PCDH15: variants seen among roughly 807,000 people sequenced by gnomAD.
PCDH15 encodes protocadherin related 15, also known as protocadherin-15.
In PCDH15, 129 loss-of-function variants were observed where a neutral mutation model predicts 178.5. That is an observed-to-expected ratio of 0.72 (90% CI 0.63 to 0.84). The LOEUF is 0.84. Ranked by LOEUF, PCDH15 falls within the 40% of genes least tolerant of loss-of-function variation. The pLI is 0.00. For missense variants in PCDH15, 2,230 were observed against 2,099.9 expected, an observed-to-expected ratio of 1.06 and a Z score of -1.21; for synonymous variants, 800 against 732.0, an observed-to-expected ratio of 1.09 and a Z score of -1.50.
intron 2 of PCDH15, among the ~76,000 whole-genome samples, chr10:55,504,448 T>G (rs1433607968): frequency 1.3e-5 from 2 of 151,458 alleles, no homozygotes; most frequent in Admixed American, 6.6e-5. Flanking sequence ...AATATGTCAT[T>G]TAAAATTTGG....
At chr10:54,678,815 C>T (rs1027804233) in intron 1 of PCDH15, among the ~76,000 whole-genome samples, 3 of 152,110 alleles carry the variant, frequency 2.0e-5, no homozygotes, top group Non-Finnish European at 4.4e-5. Context: ...AATGATACAA[C>T]ATTAAATAGA....
intron 1 of PCDH15, among the ~76,000 whole-genome samples, chr10:55,176,961 T>C (rs1294035875): frequency 6.6e-6 from 1 of 152,146 alleles, no homozygotes; most frequent in African/African-American, 2.4e-5. Flanking sequence ...AGTTTTATAA[T>C]ATGTAGATGA....
intron 26 of PCDH15, among the ~76,000 whole-genome samples, chr10:53,882,285 C>T (rs2080778816): frequency 6.6e-6 from 1 of 151,982 alleles, no homozygotes; most frequent in African/African-American, 2.4e-5. Flanking sequence ...TCCACATCAC[C>T]TTTTTTGTTT....
intron 7 of PCDH15, among the ~76,000 whole-genome samples, chr10:54,321,506 TA>T (rs2061604683): frequency 6.6e-6 from 1 of 151,824 alleles, no homozygotes; most frequent in African/African-American, 2.4e-5. Context: ...TACATGCATA[TA>T]AATGCCAGAG....
chr10:53,914,177 T>C (rs1387735237), intron 25 of PCDH15, among the ~76,000 whole-genome samples: 1 of 152,196 alleles, frequency 6.6e-6, no homozygotes, highest in Non-Finnish European at 1.5e-5. Flanking sequence ...GAGTTTAAAC[T>C]AGTTTAACCA....
intron 8 of PCDH15, among the ~76,000 whole-genome samples, chr10:54,291,180 G>T (rs1239949695): frequency 6.6e-6 from 1 of 152,116 alleles, no homozygotes; most frequent in African/African-American, 2.4e-5. Context: ...ACTCAAAAAT[G>T]CACAACTACA....
intron 3 of PCDH15, among the ~76,000 whole-genome samples, chr10:54,476,453 C>T (rs1004875995): frequency 6.6e-6 from 1 of 151,894 alleles, no homozygotes; most frequent in African/African-American, 2.4e-5. Flanking sequence ...AACTTTTTTT[C>T]CCCAGTGAAA....
At chr10:54,352,843 T>G (rs1168643188) in intron 5 of PCDH15, among the ~76,000 whole-genome samples, 1 of 152,158 alleles carries the variant, frequency 6.6e-6, no homozygotes, top group African/African-American at 2.4e-5. Flanking sequence ...TGAAGGAATC[T>G]TCCACGTTTA....
At chr10:55,336,155 C>T (rs1015944769) in intron 2 of PCDH15, among the ~76,000 whole-genome samples, 15 of 71,306 alleles carry the variant, frequency 2.1e-4, no homozygotes, top group Non-Finnish European at 3.3e-4. Flanking sequence ...AAAAAAAAAA[C>T]AGTAGAAGTT....
chr10:55,568,564 A>G (rs905032408), intron 2 of PCDH15, among the ~76,000 whole-genome samples: 11 of 152,002 alleles, frequency 7.2e-5, no homozygotes, highest in Non-Finnish European at 1.5e-4. Flanking sequence ...ATAAATAAAT[A>G]AAAAAACAAA....
At chr10:55,356,588 C>A (rs1845086844) in intron 2 of PCDH15, among the ~76,000 whole-genome samples, 1 of 151,830 alleles carries the variant, frequency 6.6e-6, no homozygotes, top group African/African-American at 2.4e-5. Context: ...TTGATTCGTT[C>A]ATTTATTCAA....
chr10:54,739,143 T>C (rs905527999), intron 1 of PCDH15, among the ~76,000 whole-genome samples: 2 of 151,988 alleles, frequency 1.3e-5, no homozygotes, highest in Admixed American at 6.6e-5. Context: ...GATATGATCT[T>C]ATATTTAGAA....
chr10:53,920,737 C>T (rs2083927833), intron 25 of PCDH15, among the ~76,000 whole-genome samples: 1 of 152,098 alleles, frequency 6.6e-6, no homozygotes, highest in Admixed American at 6.6e-5. Context: ...TCTTTTCCTC[C>T]ATCAACAAGC....
At chr10:54,585,751 A>G (rs2026410) in intron 2 of PCDH15, among the ~76,000 whole-genome samples, 121,285 of 152,150 alleles carry the variant, frequency 0.8, 48,544 homozygotes, top group East Asian at 0.84. Context: ...CAACTTCAGC[A>G]GGTTCCCAGA....
chr10:54,921,759 TA>T (rs930313437), intron 2 of PCDH15, among the ~76,000 whole-genome samples: 2 of 152,130 alleles, frequency 1.3e-5, no homozygotes, highest in African/African-American at 2.4e-5. Flanking sequence ...AGAACTGGCA[TA>T]AAAAAACTAC....
intron 3 of PCDH15, among the ~76,000 whole-genome samples, chr10:54,394,302 C>T (rs1177273129): frequency 2.7e-5 from 4 of 150,004 alleles, no homozygotes; most frequent in African/African-American, 7.6e-5. Context: ...GAACCTGCCC[C>T]GATATTCATG....
intron 2 of PCDH15, among the ~76,000 whole-genome samples, chr10:54,973,892 T>A (rs899757906): frequency 6.6e-6 from 1 of 151,990 alleles, no homozygotes; most frequent in Non-Finnish European, 1.5e-5. Context: ...AACTCATATC[T>A]CTAAAAATCT....
chr10:54,038,778 G>A (rs967586330), intron 18 of PCDH15, among the ~76,000 whole-genome samples: 2 of 151,850 alleles, frequency 1.3e-5, no homozygotes, highest in African/African-American at 4.8e-5. Context: ...CCTCTATCTT[G>A]GATTGGTTTT....
intron 3 of PCDH15, among the ~76,000 whole-genome samples, chr10:54,863,471 G>A (rs1327964346): frequency 6.6e-6 from 1 of 152,186 alleles, no homozygotes; most frequent in East Asian, 1.9e-4. Flanking sequence ...GAACCCAGGA[G>A]GCGGAGCTTG....
Sources: gnomAD v4.1 joint callset for allele counts (sites outside exome capture counted in the v4.1 genomes callset) on GRCh38, gnomAD v4.1.1 for gene constraint, MANE v1.5 for transcripts, NCBI Gene and HGNC (gene_info 2026-07-23, HGNC 2026-07-21) for gene names.